Variants in CCSER1 observed in about 807,000 individuals in gnomAD.
CCSER1 encodes the protein coiled-coil serine rich protein 1, also known as serine-rich coiled-coil domain-containing protein 1.
Under a neutral mutation model 82.0 loss-of-function variants are expected in CCSER1, and 41 were observed. The ratio of observed to expected loss-of-function variants is 0.50; its 90% CI spans 0.39 to 0.65. The LOEUF (loss-of-function observed/expected upper bound fraction) is 0.65. CCSER1 is among the 30% of genes least tolerant of loss of function. The probability of loss-of-function intolerance (pLI) is 0.00; values close to 1 mark genes in which losing one functional copy is unlikely to be tolerated. For missense variants in CCSER1, 1,119 were observed against 1,064.2 expected (o/e 1.05, Z -0.72); for synonymous variants, 414 against 383.9 (o/e 1.08, Z -0.92).
At chr4:90,633,326 G>A (rs1672155169) in intron 6 of CCSER1, among the ~76,000 whole-genome samples, 1 of 151,862 alleles carries the variant, frequency 6.6e-6, no homozygotes, top group Non-Finnish European at 1.5e-5. Context: ...TAAAAGAAGT[G>A]TACAATATGT....
Position 91,380,530 on chromosome 4 carries a change from A to T in CCSER1, c.2218-218042A>T, listed in dbSNP as rs1009383387. Among the ~76,000 whole-genome samples the T allele has an allele frequency of 1.6e-4, 25 of 151,872 alleles. No homozygotes were observed. The East Asian group carries it at 4.9e-3, about 30-fold the overall frequency. On this transcript the variant is annotated intron_variant, in intron 10 of 10. Coordinates refer to ENST00000509176, the MANE Select transcript of CCSER1 (RefSeq NM_001145065.2). ...CCTTCTTTGTCTCTTTTGATCTTTGATGGTTTAAAGTCTGTTTTATCAGAG... is the reference window on the plus strand; with the variant it reads ...CCTTCTTTGTCTCTTTTGATCTTTGTTGGTTTAAAGTCTGTTTTATCAGAG...
rs570264387 is a variant in CCSER1 at position 90,792,357 on chromosome 4, T to A, written c.2011-23405T>A. ...AGGAAAGTCTTTTCTCTCTAGTTTTTACTCTCCTTTGTTATCATATAAAAC... is the reference window on the plus strand; with the variant it reads ...AGGAAAGTCTTTTCTCTCTAGTTTTAACTCTCCTTTGTTATCATATAAAAC... On this transcript the variant is annotated intron_variant, in intron 7 of 10. Coordinates refer to ENST00000509176, the MANE Select transcript of CCSER1 (RefSeq NM_001145065.2). Among the ~76,000 whole-genome samples, 6 of 152,340 alleles carry A rather than the reference T, an allele frequency of 3.9e-5. No homozygotes were observed. In the South Asian group the frequency reaches 1.2e-3, roughly 32 times the overall value.
chr4:90,687,469 T>C (rs1735031312), intron 6 of CCSER1, among the ~76,000 whole-genome samples: 1 of 151,994 alleles, frequency 6.6e-6, no homozygotes, highest in African/African-American at 2.4e-5. Flanking sequence ...CCAATGAAAA[T>C]TGCTGGGTCA....
chr4:91,475,631 C>G (rs2110027521), intron 10 of CCSER1, among the ~76,000 whole-genome samples: 1 of 151,956 alleles, frequency 6.6e-6, no homozygotes, highest in South Asian at 2.1e-4. Flanking sequence ...TCTACTACCT[C>G]AAACATTTAT....
intron 10 of CCSER1, among the ~76,000 whole-genome samples, chr4:91,568,033 C>T (rs1392759015): frequency 6.6e-6 from 1 of 151,974 alleles, no homozygotes; most frequent in African/African-American, 2.4e-5. Context: ...GTTCTCCTTT[C>T]AAGTCTGGTG....
intron 10 of CCSER1, among the ~76,000 whole-genome samples, chr4:91,576,451 T>C (rs75831006): frequency 0.069 from 10,418 of 152,008 alleles, 387 homozygotes; most frequent in Middle Eastern, 0.099. Flanking sequence ...CTTTCAGTTA[T>C]GAGTAAATTC....
intron 5 of CCSER1, among the ~76,000 whole-genome samples, chr4:90,505,218 C>A (rs1770515084): frequency 6.6e-6 from 1 of 152,188 alleles, no homozygotes; most frequent in Admixed American, 6.5e-5. Flanking sequence ...AGAGAAGGGG[C>A]AACAGATGGG....
At chr4:90,804,967 A>T (rs1042474991) in intron 7 of CCSER1, among the ~76,000 whole-genome samples, 7 of 152,236 alleles carry the variant, frequency 4.6e-5, no homozygotes, top group Non-Finnish European at 1.0e-4. Context: ...AATCATTGCA[A>T]ATATAATTTA....
chr4:90,550,073 T>C (rs1035112308), intron 5 of CCSER1, among the ~76,000 whole-genome samples: 1 of 152,088 alleles, frequency 6.6e-6, no homozygotes, highest in Non-Finnish European at 1.5e-5. Context: ...ATATTTAAAT[T>C]AATCTTCCTC....
At chr4:91,391,575 A>G (rs547578311) in intron 10 of CCSER1, among the ~76,000 whole-genome samples, 175 of 152,312 alleles carry the variant, frequency 1.1e-3, no homozygotes, top group Admixed American at 3.7e-3. Context: ...TGCTGAGATT[A>G]TAGGCATAAG....
intron 10 of CCSER1, among the ~76,000 whole-genome samples, chr4:91,402,000 G>C (rs1273795140): frequency 6.6e-6 from 1 of 152,176 alleles, no homozygotes; most frequent in Non-Finnish European, 1.5e-5. Flanking sequence ...GGTTGAACTA[G>C]TTTACAGTCC....
At chr4:90,424,056 G>A (rs906664797) in intron 4 of CCSER1, among the ~76,000 whole-genome samples, 13 of 150,212 alleles carry the variant, frequency 8.7e-5, no homozygotes, top group South Asian at 2.1e-4. Flanking sequence ...GCGCCACTGC[G>A]CTCCAGCCTG....
intron 8 of CCSER1, among the ~76,000 whole-genome samples, chr4:90,875,804 A>G (rs750892029): frequency 6.6e-6 from 1 of 152,206 alleles, no homozygotes; most frequent in Non-Finnish European, 1.5e-5. Context: ...ATGCACAGGA[A>G]GCCTAGTCAT....
chr4:91,586,201 T>C (rs1050950458), intron 10 of CCSER1, among the ~76,000 whole-genome samples: 16 of 151,632 alleles, frequency 1.1e-4, no homozygotes, highest in African/African-American at 3.9e-4. Context: ...CCAGACATGA[T>C]GCAATTATTA....
rs552081546 is a variant in CCSER1 at position 91,515,302 on chromosome 4, C to T, written c.2218-83270C>T. 5.3e-5 allele frequency among the ~76,000 whole-genome samples: 8 copies of T among 152,096 alleles called. No homozygotes were observed. In the South Asian group the frequency reaches 6.2e-4, roughly 12 times the overall value. On this transcript the variant is annotated intron_variant, in intron 10 of 10. Transcript: ENST00000509176. The stretch of plus-strand genomic sequence containing the variant: ...GATTGGTGTACAGACTGTCTCATCA[C>T]GCAGGTATGAGGCATAGTACCTTGT...
intron 7 of CCSER1, among the ~76,000 whole-genome samples, chr4:90,773,153 T>A (rs1023262479): frequency 6.6e-6 from 1 of 152,114 alleles, no homozygotes; most frequent in Non-Finnish European, 1.5e-5. Flanking sequence ...GGAAGGAGAA[T>A]TGCTTGAACC....
intron 4 of CCSER1, among the ~76,000 whole-genome samples, chr4:90,437,290 T>C (rs956115123): frequency 2.0e-5 from 3 of 151,298 alleles, no homozygotes; most frequent in South Asian, 2.1e-4. Flanking sequence ...CACACACACA[T>C]ATATATATAC....
chr4:90,929,161 G>A (rs970767884), intron 9 of CCSER1, among the ~76,000 whole-genome samples: 13 of 151,892 alleles, frequency 8.6e-5, no homozygotes, highest in African/African-American at 1.2e-4. Context: ...GTATATCAGC[G>A]TATCCGATTT....
chr4:91,350,814 A>G (rs1440234406), intron 10 of CCSER1, among the ~76,000 whole-genome samples: 16 of 152,026 alleles, frequency 1.1e-4, no homozygotes, highest in Non-Finnish European at 4.4e-5. Context: ...TTAAGCACAC[A>G]GTAGGCTATA....
Sources: allele counts gnomAD v4.1 joint callset (sites outside exome capture counted in the v4.1 genomes callset), GRCh38; gene constraint gnomAD v4.1.1; transcripts MANE v1.5; gene names NCBI Gene and HGNC (gene_info 2026-07-23, HGNC 2026-07-21).